SPRED2: variants seen among roughly 807,000 people sequenced by gnomAD.
SPRED2 encodes sprouty-related, EVH1 domain-containing protein 2.
A neutral mutation model predicts 43.0 loss-of-function variants in SPRED2; 47 were observed. The observed-to-expected ratio is 1.09, with a 90% CI of 0.87 to 1.40. The LOEUF (loss-of-function observed/expected upper bound fraction) is 1.40. SPRED2 is among the 40% of genes most tolerant of loss of function. The pLI is 0.00. For missense variants in SPRED2, 561 were observed against 586.4 expected (o/e 0.96, Z 0.45); for synonymous variants, 225 against 225.7 (o/e 1.00, Z 0.03).
chr2:65,415,071 G>A (rs12613858), intron 1 of SPRED2, among the ~76,000 whole-genome samples: 12,824 of 152,124 alleles, frequency 0.084, 663 homozygotes, highest in East Asian at 0.16. Context: ...ACAGGTGTGA[G>A]CCATCACAAC....
intron 1 of SPRED2, among the ~76,000 whole-genome samples, chr2:65,420,892 T>C (rs1676407030): frequency 6.6e-6 from 1 of 152,240 alleles, no homozygotes; most frequent in African/African-American, 2.4e-5. Context: ...ATCATCATCT[T>C]GATTCCCAGT....
At chr2:65,424,682 G>T (rs1009049238) in intron 1 of SPRED2, among the ~76,000 whole-genome samples, 6 of 152,146 alleles carry the variant, frequency 3.9e-5, no homozygotes, top group Admixed American at 1.3e-4. Context: ...AGGTGCAGGT[G>T]GCTCATGCCT....
intron 1 of SPRED2, among the ~76,000 whole-genome samples, chr2:65,383,903 C>T (rs548198335): frequency 9.2e-5 from 14 of 152,270 alleles, no homozygotes; most frequent in South Asian, 4.1e-4. Context: ...GTGAAGCTCT[C>T]GATACTGACA....
chr2:65,360,089 C>A (rs112083757), intron 1 of SPRED2, among the ~76,000 whole-genome samples: 644 of 42,638 alleles, frequency 0.015, 2 homozygotes, highest in Middle Eastern at 0.025. Context: ...CAAAAAAAAA[C>A]AAAAAAAAAA....
chr2:65,385,400 G>A (rs1178375688), intron 1 of SPRED2, among the ~76,000 whole-genome samples: 1 of 152,224 alleles, frequency 6.6e-6, no homozygotes, highest in African/African-American at 2.4e-5. Context: ...CTGGGGAGTT[G>A]GAGGGCGTCT....
At chr2:65,323,625 T>G (rs539559488) in intron 4 of SPRED2, among the ~76,000 whole-genome samples, 124 of 150,868 alleles carry the variant, frequency 8.2e-4, no homozygotes, top group Non-Finnish European at 1.4e-3. Context: ...GCCTGTAATC[T>G]CAGCACTTTG....
Position 65,312,004 on chromosome 2 carries a change from G to C in SPRED2, c.*1497C>G, listed in dbSNP as rs944727988. On this transcript the variant is annotated 3_prime_UTR_variant, in exon 6 of 6. Coordinates refer to ENST00000356388, the MANE Select transcript of SPRED2 (RefSeq NM_181784.3). ...AAAGATCGTGGCGGGAAGAACAGCC[G>C]GCGTCCGCAAGCCTGTCCCCGGTGG... The C allele has an allele frequency of 1.0e-6, 1 of 985,128 alleles. No homozygotes were observed. The highest frequency in any genetic ancestry group is 1.2e-6 in the Non-Finnish European group (1 of 829,826). The allele number at this position is 985,128 out of a possible 1,614,324, so 61.0% of individuals were successfully genotyped here. A position where few individuals can be genotyped will look rare whatever the true frequency, so the allele number is the denominator to read the frequency against.
At chr2:65,334,869 T>G (rs1252027687) in intron 2 of SPRED2, 96 bp from the exon 3 acceptor site, 4 of 1,283,468 alleles carry the variant, frequency 3.1e-6, no homozygotes, top group Non-Finnish European at 4.5e-6. Flanking sequence ...TGGTGGCAAC[T>G]ACCAAAACCC....
chr2:65,336,171 A>G (rs889563852), intron 2 of SPRED2, among the ~76,000 whole-genome samples: 2 of 152,176 alleles, frequency 1.3e-5, no homozygotes, highest in Non-Finnish European at 2.9e-5. Flanking sequence ...CCTGGGCAAC[A>G]TGGCAGGACC....
At chr2:65,409,691 C>CAAAAAA (rs59225849) in intron 1 of SPRED2, among the ~76,000 whole-genome samples, 4 of 90,218 alleles carry the variant, frequency 4.4e-5, no homozygotes, top group Non-Finnish European at 4.2e-5. Context: ...CAGTTTCCTG[C>CAAAAAA]AAAAAAAAAA....
At chr2:65,308,900 C>T (rs988336212), downstream of SPRED2, among the ~76,000 whole-genome samples, 2 of 152,158 alleles carry the variant, frequency 1.3e-5, no homozygotes, top group African/African-American at 4.8e-5. Context: ...CACCTGTAAT[C>T]CCAACACTTT....
Position 65,313,027 on chromosome 2 carries a change from G to A in SPRED2, c.*474C>T. 1 of 986,392 alleles carries A rather than the reference G, an allele frequency of 1.0e-6. No homozygotes were observed. Among genetic ancestry groups the A allele is most frequent in the Non-Finnish European group, 1.2e-6 (1 of 830,656 alleles). The allele number at this position is 986,392 out of a possible 1,614,324, so 61.1% of individuals were successfully genotyped here. ...TTCATCATTCTCACATCCCATTTCC[G>A]CTGAACCAGATGCTTGCTAGCGACA... is the stretch of plus-strand genomic sequence containing the variant. On this transcript the variant is annotated 3_prime_UTR_variant, in exon 6 of 6. Transcript: ENST00000356388.
At position 65,316,769 on chromosome 2, in the gene SPRED2, C is replaced by T. The variant is rs776047726; in HGVS notation, c.553G>A (p.Asp185Asn). 2.5e-5 allele frequency: 41 copies of T among 1,612,222 alleles called. No individual in the cohort carries two copies. Among genetic ancestry groups the T allele is most frequent in the Admixed American group, 6.7e-5 (4 of 59,700 alleles). ...RRIYTLGHLHDSYPTDHYHLD... is the reference protein window; with the variant it reads ...RRIYTLGHLHNSYPTDHYHLD... ...TGATAGTGGTCTGTGGGGTATGAGT[C>T]GTGGAGGTGGCCCAGGGTATAAATC... Residue 185 changes from aspartate to asparagine, a missense_variant, in exon 5 of 6, where the codon GAC becomes AAC. Transcript: ENST00000356388.
At chr2:65,382,417 C>T (rs1174270635) in intron 1 of SPRED2, among the ~76,000 whole-genome samples, 1 of 152,172 alleles carries the variant, frequency 6.6e-6, no homozygotes, top group Admixed American at 6.5e-5. Flanking sequence ...CTGTCCCACA[C>T]ACTACCCTAG....
chr2:65,410,885 T>C (rs1338881400), intron 1 of SPRED2, among the ~76,000 whole-genome samples: 1 of 152,212 alleles, frequency 6.6e-6, no homozygotes, highest in East Asian at 1.9e-4. Flanking sequence ...GAGCCTATTG[T>C]ACTTGTAGAC....
At chr2:65,381,889 C>T (rs1675381785) in intron 1 of SPRED2, among the ~76,000 whole-genome samples, 2 of 152,256 alleles carry the variant, frequency 1.3e-5, no homozygotes, top group South Asian at 4.1e-4. Context: ...CCACCACACA[C>T]ACCTTTTTCC....
chr2:65,325,291 T>C (rs1558651389), intron 4 of SPRED2, among the ~76,000 whole-genome samples: 2 of 152,124 alleles, frequency 1.3e-5, no homozygotes, highest in African/African-American at 2.4e-5. Flanking sequence ...GACCAGCCCA[T>C]TTGGGAGATC....
chr2:65,424,166 G>A (rs1471814877), intron 1 of SPRED2, among the ~76,000 whole-genome samples: 2 of 152,004 alleles, frequency 1.3e-5, no homozygotes, highest in Admixed American at 1.3e-4. Context: ...TGGTGGCTTG[G>A]GATACTTAGC....
chr2:65,395,360 T>C (rs560874852), intron 1 of SPRED2, among the ~76,000 whole-genome samples: 1 of 152,262 alleles, frequency 6.6e-6, no homozygotes, highest in South Asian at 2.1e-4. Flanking sequence ...AGAAGAGGAC[T>C]TTCCCCCTTC....
Sources: allele counts gnomAD v4.1 joint callset (sites outside exome capture counted in the v4.1 genomes callset), GRCh38; gene constraint gnomAD v4.1.1; transcripts MANE v1.5; gene names NCBI Gene and HGNC (gene_info 2026-07-23, HGNC 2026-07-21).